The following PCDHA10 variants were observed in gnomAD, a reference collection of about 807,000 sequenced individuals.
PCDHA10 encodes protocadherin alpha 10.
A neutral mutation model predicts 61.2 loss-of-function variants in PCDHA10; 45 were observed. The ratio of observed to expected loss-of-function variants is 0.74; its 90% CI spans 0.58 to 0.94. The LOEUF (loss-of-function observed/expected upper bound fraction) is 0.94, where lower values mean the gene tolerates loss of function less well. Ranked by LOEUF, PCDHA10 falls within the 40% of genes least tolerant of loss-of-function variation. The pLI, the probability that PCDHA10 is intolerant of heterozygous loss-of-function variation, is 0.00. For synonymous variants in PCDHA10, 602 were observed against 548.8 expected (o/e 1.10, Z -1.35); for missense variants, 1,278 against 1,236.2 (o/e 1.03, Z -0.51).
intron 1 of PCDHA10, among the ~76,000 whole-genome samples, chr5:140,918,821 GC>G (rs35355209): frequency 0.76 from 114,950 of 152,064 alleles, 44,573 homozygotes; most frequent in African/African-American, 0.94. Flanking sequence ...CCAAAAAGTG[GC>G]CCCCTCCCCA....
rs1554148182 is a variant in PCDHA10, at chr5:140,856,103, C to G, written c.55C>G (p.Leu19Val). 1 of 1,597,894 alleles carries G rather than the reference C, an allele frequency of 6.3e-7. No individual in the cohort carries two copies. The highest frequency in any genetic ancestry group is 1.1e-5 in the South Asian group (1 of 90,494). The change falls in exon 1 of 4, where the codon CTC (leucine) becomes GTC (valine). Residue 19 changes from leucine (L) to valine (V), a missense_variant. Coordinates refer to ENST00000307360, the MANE Select transcript of PCDHA10 (RefSeq NM_018901.4). ...GVQCLLLSLL[L>V]LAAWEVGSGQ... The stretch of plus-strand genomic sequence containing the variant: ...CCAGTGTCTGCTGCTCTCGCTTCTT[C>G]TCCTCGCAGCCTGGGAGGTGGGGAG...
chr5:140,928,217 C>T, intron 1 of PCDHA10: 2 of 1,614,212 alleles, frequency 1.2e-6, no homozygotes, highest in Non-Finnish European at 1.7e-6. Flanking sequence ...AATGACAATA[C>T]ACCAAACTTT....
intron 1 of PCDHA10, among the ~76,000 whole-genome samples, chr5:140,952,282 C>A (rs12187982): frequency 0.12 from 17,942 of 151,036 alleles, 1,209 homozygotes; most frequent in Middle Eastern, 0.19. Context: ...AGGGTGGTGG[C>A]CCTCTTCTCA....
intron 1 of PCDHA10, chr5:140,968,459 G>A (rs1554230743): frequency 6.2e-7 from 1 of 1,614,094 alleles, no homozygotes; most frequent in African/African-American, 1.3e-5. Flanking sequence ...CACTGTGACT[G>A]CCAACGTATA....
intron 1 of PCDHA10, among the ~76,000 whole-genome samples, chr5:140,890,446 T>C (rs1554184296): frequency 6.6e-6 from 1 of 152,228 alleles, no homozygotes; most frequent in Admixed American, 6.5e-5. Context: ...CCTAGTGATA[T>C]CTTTAGGCAC....
At chr5:140,897,467 C>T (rs1427386129) in intron 1 of PCDHA10, among the ~76,000 whole-genome samples, 11 of 151,912 alleles carry the variant, frequency 7.2e-5, no homozygotes, top group Non-Finnish European at 7.4e-5. Flanking sequence ...CGATAGTTTA[C>T]TGAGAATGAT....
At chr5:140,902,199 CTT>C (rs1290062929) in intron 1 of PCDHA10, among the ~76,000 whole-genome samples, 2 of 139,232 alleles carry the variant, frequency 1.4e-5, no homozygotes, top group Admixed American at 7.2e-5. Flanking sequence ...CTCTCTCTCT[CTT>C]TCTTTTTTTT....
rs185914290 is a variant in PCDHA10, at chr5:140,920,039, G to C, written c.2389-58910G>C. ...AGATGGAGACAGAGATTGGAGTGAT[G>C]TCAACAGCCACCAACACCTGGAAAA... On this transcript the variant is annotated intron_variant, in intron 1 of 3. Transcript: ENST00000307360. Among the ~76,000 whole-genome samples, 5 of 152,280 alleles carry C rather than the reference G, an allele frequency of 3.3e-5. No homozygotes were observed. In the South Asian group the frequency reaches 1.0e-3, roughly 32 times the overall value.
intron 1 of PCDHA10, chr5:140,871,289 G>T (rs955449203): frequency 6.2e-7 from 1 of 1,613,910 alleles, no homozygotes; most frequent in Non-Finnish European, 8.5e-7. Flanking sequence ...CCCACTGAGG[G>T]CGCGTGCGCG....
At chr5:140,875,288 A>G in intron 1 of PCDHA10, 2 of 1,392,506 alleles carry the variant, frequency 1.4e-6, no homozygotes, top group East Asian at 2.5e-5. Flanking sequence ...TGAAACAGGA[A>G]AATTTTTTTC....
At chr5:140,928,594 GAA>G in intron 1 of PCDHA10, 2 of 1,614,204 alleles carry the variant, frequency 1.2e-6, no homozygotes, top group Non-Finnish European at 1.7e-6. Flanking sequence ...TGTCCCAGTG[GAA>G]ATTGTGCCCC....
intron 1 of PCDHA10, among the ~76,000 whole-genome samples, chr5:140,962,075 C>T (rs999623991): frequency 6.6e-6 from 1 of 151,836 alleles, no homozygotes; most frequent in South Asian, 2.1e-4. Context: ...TTAGTAGAGA[C>T]GGGGTTTCAC....
intron 1 of PCDHA10, chr5:140,926,964 C>G (rs149218057): frequency 1.9e-6 from 3 of 1,606,346 alleles, no homozygotes; most frequent in African/African-American, 2.7e-5. Flanking sequence ...AGCTCGAGTA[C>G]TCAGTGCCGG....
At chr5:140,894,405 C>T (rs1277416530) in intron 1 of PCDHA10, among the ~76,000 whole-genome samples, 4 of 151,926 alleles carry the variant, frequency 2.6e-5, no homozygotes, top group African/African-American at 9.7e-5. Flanking sequence ...CTTTGCTTTT[C>T]TTTTGTAGCT....
intron 1 of PCDHA10, among the ~76,000 whole-genome samples, chr5:140,934,368 C>A (rs2089796426): frequency 6.6e-6 from 1 of 152,102 alleles, no homozygotes; most frequent in African/African-American, 2.4e-5. Context: ...TGCTTTGACT[C>A]CTTCTGTGGT....
chr5:140,926,358 A>C (rs1157995876), intron 1 of PCDHA10: 1 of 152,230 alleles, frequency 6.6e-6, no homozygotes, highest in Non-Finnish European at 1.5e-5. Context: ...CGGCTCCCAA[A>C]GGGCGGCAGG....
intron 1 of PCDHA10, among the ~76,000 whole-genome samples, chr5:140,938,866 G>A (rs1372323218): frequency 2.6e-5 from 4 of 152,040 alleles, no homozygotes; most frequent in African/African-American, 9.7e-5. Context: ...GAACTTAAAA[G>A]TTAAGAAGCA....
chr5:140,905,248 C>A (rs143714633), intron 1 of PCDHA10, among the ~76,000 whole-genome samples: 43 of 152,208 alleles, frequency 2.8e-4, no homozygotes, highest in African/African-American at 8.7e-4. Context: ...TTCATTCTTC[C>A]ACATGAGGCT....
At chr5:140,969,244 G>A (rs1345944804) in intron 1 of PCDHA10, 2 of 1,614,088 alleles carry the variant, frequency 1.2e-6, no homozygotes, top group Non-Finnish European at 1.7e-6. Flanking sequence ...AAGCAGCAGT[G>A]ACTGACAGCA....
Sources: allele counts gnomAD v4.1 joint callset (sites outside exome capture counted in the v4.1 genomes callset), GRCh38; gene constraint gnomAD v4.1.1; transcripts MANE v1.5; gene names NCBI Gene and HGNC (gene_info 2026-07-23, HGNC 2026-07-21).